SMARCA2: variants seen among roughly 807,000 people sequenced by gnomAD.
SMARCA2 encodes the protein SWI/SNF-related matrix-associated actin-dependent regulator of chromatin subfamily A member 2.
Under a neutral mutation model 199.8 loss-of-function variants are expected in SMARCA2, and 61 were observed. The observed-to-expected ratio is 0.31, with a 90% confidence interval of 0.25 to 0.38. The LOEUF is 0.38. Among genes scored for constraint, SMARCA2 ranks in the 10% least tolerant of loss-of-function variants. The pLI is 1.00. For missense variants in SMARCA2, 1,344 were observed against 2,012.2 expected, an observed-to-expected ratio of 0.67 and a Z score of 6.35; for synonymous variants, 935 against 732.0, an observed-to-expected ratio of 1.28 and a Z score of -4.48.
chr9:2,191,460 C>T, intron 33 of SMARCA2, 52 bp downstream of exon 33: 2 of 1,597,910 alleles, frequency 1.3e-6, no homozygotes, highest in Non-Finnish European at 1.7e-6. Context: ...CCCCTGCTTG[C>T]TGGCCTCTTG....
Position 2,191,309 on chromosome 9 carries a change from C to G in SMARCA2, c.4638C>G (p.Asp1546Glu), listed in dbSNP as rs2296212. Residue 1546 changes from aspartate to glutamate, a missense_variant, in exon 33 of 34, where the codon GAC (aspartate) becomes GAG (glutamate). By Grantham distance (45) the Asp-to-Glu change is conservative. Coordinates refer to ENST00000349721, the MANE Select transcript of SMARCA2 (RefSeq NM_003070.5). The stretch of plus-strand genomic sequence containing the variant: ...AAATTAAGCTCAATAAAAAAGATGA[C>G]AAAGGCCGGGACAAAGGGAAAGGCA... ...KVKIKLNKKD[D>E]KGRDKGKGKK... The G allele has an allele frequency of 0.14, 222,588 of 1,613,644 alleles. 17,786 individuals carry two copies. The highest frequency in any genetic ancestry group is 0.27 in the African/African-American group (20,529 of 74,968).
chr9:2,162,979 A>G (rs138463848), intron 28 of SMARCA2: 25 of 152,380 alleles, frequency 1.6e-4, no homozygotes, highest in African/African-American at 5.8e-4. Flanking sequence ...TTTGACATTA[A>G]CTAGTGTTGC....
At position 2,110,438 on chromosome 9, in the gene SMARCA2, T is replaced by C. The variant is rs1822945805; in HGVS notation, c.3456+21T>C. 6.4e-7 allele frequency: 1 copy of C among 1,561,002 alleles called. No individual in the cohort carries two copies. Among genetic ancestry groups the C allele is most frequent in the Non-Finnish European group, 8.6e-7 (1 of 1,156,238 alleles). ...ATCAGGTCTGCATGTCCCACTCAGG[T>C]GCCCAGGCCTCCCTCTGGAGAGCAA... On this transcript the variant is annotated intron_variant, in intron 24 of 33. Coordinates refer to ENST00000349721, the MANE Select transcript of SMARCA2 (RefSeq NM_003070.5). The surrounding 1 kb of genome is among the most constrained non-coding windows in gnomAD (Gnocchi z 4.8).
At chr9:2,152,344 G>T (rs1400511003) in intron 27 of SMARCA2, among the ~76,000 whole-genome samples, 4 of 151,390 alleles carry the variant, frequency 2.6e-5, no homozygotes, top group African/African-American at 9.7e-5. Flanking sequence ...CTGAGGTCAA[G>T]AGAGTTTGAG....
intron 28 of SMARCA2, among the ~76,000 whole-genome samples, chr9:2,166,086 C>T (rs1468389333): frequency 6.6e-6 from 1 of 152,190 alleles, no homozygotes; most frequent in African/African-American, 2.4e-5. Flanking sequence ...CTTGGAACCT[C>T]AGAGAATAAA....
Position 2,119,529 on chromosome 9 carries a change from T to C in SMARCA2, c.3756T>C (p.Leu1252=). The C allele has an allele frequency of 6.2e-7, 1 of 1,606,376 alleles. No homozygotes were observed. The highest frequency in any genetic ancestry group is 8.5e-7 in the Non-Finnish European group (1 of 1,173,076). ...CTCGACGAGAAGAAGAATTTGACCT[T>C]TTTATGGTAATGTTACAGAAAATCA... is the stretch of plus-strand genomic sequence containing the variant. The part of the protein sequence containing the change: ...MIARREEEFD[L]FMRMDMDRRR... Residue 1252 remains leucine (L), a synonymous_variant, in exon 26 of 34, where the codon CTT becomes CTC. Transcript: ENST00000349721. The surrounding 1 kb of genome is among the most constrained non-coding windows in gnomAD (Gnocchi z 4.6).
chr9:2,172,324 G>A (rs932991829), intron 29 of SMARCA2, among the ~76,000 whole-genome samples: 1 of 151,916 alleles, frequency 6.6e-6, no homozygotes, highest in Non-Finnish European at 1.5e-5. Context: ...TGGTATGAAT[G>A]ACACATATAC....
chr9:2,076,374 A>G (rs1173125669), intron 13 of SMARCA2, 45 bp downstream of exon 13: 3 of 1,169,842 alleles, frequency 2.6e-6, no homozygotes, highest in African/African-American at 1.5e-5. Flanking sequence ...CATGAGGATG[A>G]TGCTTAATGA....
intron 27 of SMARCA2, among the ~76,000 whole-genome samples, chr9:2,129,825 C>T (rs1586735103): frequency 6.6e-6 from 1 of 152,140 alleles, no homozygotes; most frequent in Non-Finnish European, 1.5e-5. Flanking sequence ...AACATAGAAA[C>T]TCCATGTCAG....
Position 2,130,442 on chromosome 9 carries a change from C to G in SMARCA2, c.3981+6505C>G, listed in dbSNP as rs1403089390. 3.3e-5 allele frequency among the ~76,000 whole-genome samples: 5 copies of G among 152,150 alleles called. No homozygotes were observed. In the East Asian group the frequency reaches 9.6e-4, roughly 29 times the overall value. The stretch of plus-strand genomic sequence containing the variant: ...AAAGGTGGTGAAGGGAATTCACTAC[C>G]CTATTTTGGAAGTCAAAGATGTTGT... On this transcript the variant is annotated intron_variant, in intron 27 of 33. Coordinates refer to ENST00000349721, the MANE Select transcript of SMARCA2 (RefSeq NM_003070.5).
chr9:2,119,620 C>G lies in SMARCA2; in HGVS notation c.3762+85C>G. 2.2e-6 allele frequency: 2 copies of G among 892,388 alleles called. No individual in the cohort carries two copies. The highest frequency in any genetic ancestry group is 1.4e-5 in the South Asian group (1 of 71,518). The allele number at this position is 892,388 out of a possible 1,614,324, so 55.3% of individuals were successfully genotyped here. Reference sequence around the variant, plus strand: ...AGCAGAATGTCTGCAGCCTGCGTGCCTGGCAGAACTTCATACGTAAAGCCT... The same window carrying G: ...AGCAGAATGTCTGCAGCCTGCGTGCGTGGCAGAACTTCATACGTAAAGCCT... On this transcript the variant is annotated intron_variant, in intron 26 of 33. Coordinates refer to ENST00000349721, the MANE Select transcript of SMARCA2 (RefSeq NM_003070.5). This position sits in a 1 kb window ranked among gnomAD's most constrained non-coding sequence, Gnocchi z 4.6.
rs150013447 is a variant in SMARCA2, at chr9:2,034,662, C to A, written c.355+1581C>A. 2.3e-4 allele frequency among the ~76,000 whole-genome samples: 35 copies of A among 152,300 alleles called. 1 individual carries two copies. The East Asian group carries it at 6.4e-3, about 28-fold the overall frequency. Reference sequence around the variant, plus strand: ...AGCTATCCATCCACTCGAGGGAAGACTTTTGGCTGTGAGGATTTAGAGAAG... The same window carrying A: ...AGCTATCCATCCACTCGAGGGAAGAATTTTGGCTGTGAGGATTTAGAGAAG... On this transcript the variant is annotated intron_variant, in intron 3 of 33. Coordinates refer to ENST00000349721, the MANE Select transcript of SMARCA2 (RefSeq NM_003070.5).
chr9:2,073,731 C>A, intron 12 of SMARCA2, 108 bp downstream of exon 12: 1 of 795,572 alleles, frequency 1.3e-6, no homozygotes, highest in Non-Finnish European at 2.1e-6. Context: ...TTTCTTCCTC[C>A]AGGATTGGCC....
chr9:2,156,970 A>C (rs1825399278), intron 27 of SMARCA2, among the ~76,000 whole-genome samples: 1 of 152,048 alleles, frequency 6.6e-6, no homozygotes, highest in African/African-American at 2.4e-5. Context: ...CACTTTAGGG[A>C]ATTTGATTTT....
At chr9:2,068,280 T>A (rs1195677117) in intron 9 of SMARCA2, among the ~76,000 whole-genome samples, 1 of 152,236 alleles carries the variant, frequency 6.6e-6, no homozygotes, top group Non-Finnish European at 1.5e-5. Flanking sequence ...AGCTTATAAA[T>A]GTTTTTGCTC....
chr9:2,145,381 A>C (rs1824689271), intron 27 of SMARCA2, among the ~76,000 whole-genome samples: 1 of 152,112 alleles, frequency 6.6e-6, no homozygotes, highest in Non-Finnish European at 1.5e-5. Flanking sequence ...AGTAAGGAGC[A>C]ATGGAGGAGA....
rs186274891 is a variant in SMARCA2 at position 2,018,884 on chromosome 9, T to G, written c.-37+3480T>G. 9.2e-5 allele frequency among the ~76,000 whole-genome samples: 14 copies of G among 152,340 alleles called. No homozygotes were observed. The East Asian group carries it at 2.5e-3, about 27-fold the overall frequency. On this transcript the variant is annotated intron_variant, in intron 1 of 33. Coordinates refer to ENST00000349721, the MANE Select transcript of SMARCA2 (RefSeq NM_003070.5). ...AAGCTTGTTGGCCAGCATTGGAGTTTTAGGCTTCCAGGCTACCTCTAGCAC... is the reference window on the plus strand; with the variant it reads ...AAGCTTGTTGGCCAGCATTGGAGTTGTAGGCTTCCAGGCTACCTCTAGCAC...
At chr9:2,156,765 A>G (rs1302094588) in intron 27 of SMARCA2, among the ~76,000 whole-genome samples, 3 of 152,174 alleles carry the variant, frequency 2.0e-5, no homozygotes, top group East Asian at 3.8e-4. Context: ...TTTCAGTAAC[A>G]TGAAGTACAT....
chr9:2,163,025 C>T (rs1336962891), intron 28 of SMARCA2: 2 of 152,292 alleles, frequency 1.3e-5, no homozygotes, highest in African/African-American at 2.4e-5. Flanking sequence ...TGAATAACTA[C>T]GTTGTGTTTT....
Sources: allele counts gnomAD v4.1 joint callset (sites outside exome capture counted in the v4.1 genomes callset), GRCh38; gene constraint gnomAD v4.1.1; non-coding constraint Gnocchi (gnomAD v3.1); transcripts MANE v1.5; gene names NCBI Gene and HGNC (gene_info 2026-07-23, HGNC 2026-07-21).